KCTD3: variants seen among roughly 807,000 people sequenced by gnomAD.
KCTD3 encodes the protein potassium channel tetramerization domain containing 3, also known as BTB/POZ domain-containing protein KCTD3.
Under a neutral mutation model 85.8 loss-of-function variants are expected in KCTD3, and 41 were observed. The ratio of observed to expected loss-of-function variants is 0.48; its 90% CI spans 0.37 to 0.62. KCTD3 has a LOEUF of 0.62. Ranked by LOEUF, KCTD3 falls within the 20% of genes least tolerant of loss-of-function variation. KCTD3 has a pLI of 0.00. For missense variants in KCTD3, 724 were observed against 989.9 expected (o/e 0.73, Z 3.60); for synonymous variants, 338 against 345.4 (o/e 0.98, Z 0.24).
Position 215,618,970 on chromosome 1 carries a change from A to T in KCTD3, c.1647A>T (p.Ser549=). The change falls in exon 16 of 18, where the codon TCA becomes TCT. Residue 549 remains serine, a synonymous_variant. Transcript: ENST00000259154. ...GTGAGGGATCCAGTAGGATGGGCTC[A>T]AGACCAAGGCGCTACTTGTTCACAG... The part of the protein sequence containing the change: ...RECEGSSRMG[S]RPRRYLFTGH... 2 of 1,614,028 alleles carry T rather than the reference A, an allele frequency of 1.2e-6. No individual in the cohort carries two copies. Among genetic ancestry groups the T allele is most frequent in the Non-Finnish European group, 8.5e-7 (1 of 1,179,918 alleles).
chr1:215,616,980 G>C (rs917014300), intron 15 of KCTD3, among the ~76,000 whole-genome samples: 10 of 152,198 alleles, frequency 6.6e-5, no homozygotes, highest in African/African-American at 1.2e-4. Flanking sequence ...TTTGAGAAGG[G>C]GAGAGGAGCC....
intron 10 of KCTD3, among the ~76,000 whole-genome samples, chr1:215,598,706 A>T (rs1306635781): frequency 6.6e-6 from 1 of 151,868 alleles, no homozygotes; most frequent in Admixed American, 6.6e-5. Context: ...TTGAAAAAAA[A>T]TTTTTAATTT....
chr1:215,607,296 A>T lies in KCTD3; in HGVS notation c.1310-721A>T, dbSNP rs545536704. On this transcript the variant is annotated intron_variant, in intron 13 of 17. Coordinates refer to ENST00000259154, the MANE Select transcript of KCTD3 (RefSeq NM_016121.5). ...GCAAAATCAGTATATTTTTTATTAA[A>T]GCATGCCAAAAAAAGTAGTTTTTGC... 3.3e-5 allele frequency among the ~76,000 whole-genome samples: 5 copies of T among 152,048 alleles called. No individual in the cohort carries two copies. In the East Asian group the frequency reaches 9.7e-4, roughly 29 times the overall value.
At chr1:215,607,393 C>T (rs930406691) in intron 13 of KCTD3, among the ~76,000 whole-genome samples, 4 of 151,800 alleles carry the variant, frequency 2.6e-5, no homozygotes, top group African/African-American at 7.2e-5. Context: ...TACAGCTAGA[C>T]GAGGAGACAT....
chr1:215,604,286 G>A lies in KCTD3; in HGVS notation c.1293G>A (p.Glu431=), dbSNP rs1330149846. The A allele has an allele frequency of 6.2e-6, 10 of 1,613,370 alleles. No homozygotes were observed. Among genetic ancestry groups the A allele is most frequent in the Non-Finnish European group, 8.5e-6 (10 of 1,179,528 alleles). ...RSPVTKIMLS[E]KHLVSVCADN... ...CCGTAACAAAAATCATGCTATCAGAGAAGCATCTTGTATCAGGTAAAATGA... is the reference window on the plus strand; with the variant it reads ...CCGTAACAAAAATCATGCTATCAGAAAAGCATCTTGTATCAGGTAAAATGA... Residue 431 remains glutamate, a synonymous_variant, in exon 13 of 18, where the codon GAG becomes GAA. Transcript: ENST00000259154.
In KCTD3 at chr1:215,567,819, C is replaced by T. The variant is rs527455539; in HGVS notation, c.83+51C>T. On this transcript the variant is annotated intron_variant, in intron 1 of 17. Transcript: ENST00000259154. ...AGCGGGGATGCCTTGGCGGCCTCCT[C>T]CTTTGGTGTCGACGGGGACCGAGAG... 3.5e-5 allele frequency: 40 copies of T among 1,144,516 alleles called. No homozygotes were observed. In the African/African-American group the frequency reaches 6.2e-4, roughly 18 times the overall value. 70.9% of individuals were successfully genotyped at this position (1,144,516 alleles called of 1,614,324 possible).
At chr1:215,613,271 A>C (rs1041720941) in intron 15 of KCTD3, among the ~76,000 whole-genome samples, 7 of 152,156 alleles carry the variant, frequency 4.6e-5, no homozygotes, top group Non-Finnish European at 1.0e-4. Flanking sequence ...TTGCCAGGCT[A>C]GAGTGCTGTG....
chr1:215,567,552 C>T lies in KCTD3; in HGVS notation c.-134C>T. ...GCCGCCGGGAAGGTGGGGGAAGCCC[C>T]GTGCACCCCCCGCCCTCCGGCCGCC... On this transcript the variant is annotated 5_prime_UTR_variant, in exon 1 of 18. Transcript: ENST00000259154. 2.7e-6 allele frequency: 1 copy of T among 364,182 alleles called. No individual in the cohort carries two copies. Among genetic ancestry groups the T allele is most frequent in the Non-Finnish European group, 4.6e-6 (1 of 218,554 alleles). 22.6% of individuals were successfully genotyped at this position (364,182 alleles called of 1,614,324 possible). A position where few individuals can be genotyped will look rare whatever the true frequency, so the allele number is the denominator to read the frequency against.
intron 10 of KCTD3, among the ~76,000 whole-genome samples, chr1:215,596,765 A>C (rs771523504): frequency 1.1e-4 from 17 of 152,158 alleles, no homozygotes; most frequent in Non-Finnish European, 2.1e-4. Context: ...GAAAAAAAAG[A>C]TAATTGGTGC....
At chr1:215,578,216 G>T in intron 6 of KCTD3, 135 bp downstream of exon 6, 1 of 733,374 alleles carries the variant, frequency 1.4e-6, no homozygotes, top group South Asian at 2.4e-5. Flanking sequence ...AAGAACTTTT[G>T]ATTTTTATAG....
At chr1:215,608,739 C>T (rs1189099267) in intron 14 of KCTD3, among the ~76,000 whole-genome samples, 2 of 151,926 alleles carry the variant, frequency 1.3e-5, no homozygotes, top group Non-Finnish European at 2.9e-5. Flanking sequence ...CATATACAGT[C>T]TTCATAGAGA....
At position 215,601,586 on chromosome 1, in the gene KCTD3, A is replaced by C. The variant is rs577527783; in HGVS notation, c.934-281A>C. ...CAATCTAGTGATCACATGCAAAAAAAGAGGAGACAACCAATCGAAATTGAG... is the reference window on the plus strand; with the variant it reads ...CAATCTAGTGATCACATGCAAAAAACGAGGAGACAACCAATCGAAATTGAG... On this transcript the variant is annotated intron_variant, in intron 10 of 17. Coordinates refer to ENST00000259154, the MANE Select transcript of KCTD3 (RefSeq NM_016121.5). Among the ~76,000 whole-genome samples the C allele has an allele frequency of 1.2e-3, 182 of 152,306 alleles. 1 individual carries two copies. Among genetic ancestry groups the C allele is most frequent in the Middle Eastern group, 0.01 (3 of 294 alleles).
chr1:215,578,952 T>C, intron 6 of KCTD3, 48 bp from the exon 7 acceptor site: 1 of 1,364,238 alleles, frequency 7.3e-7, no homozygotes, highest in Non-Finnish European at 9.9e-7. Context: ...TTTTTAATTT[T>C]TGAAAGGTGA....
chr1:215,592,532 GTTGTGA>G (rs1660264258), intron 9 of KCTD3, among the ~76,000 whole-genome samples: 1 of 152,122 alleles, frequency 6.6e-6, no homozygotes, highest in Non-Finnish European at 1.5e-5. Context: ...AGGTAAATCA[GTTGTGA>G]TTTCTTTTTC....
At chr1:215,574,853 C>T (rs1571870953) in intron 3 of KCTD3, among the ~76,000 whole-genome samples, 1 of 152,138 alleles carries the variant, frequency 6.6e-6, no homozygotes, top group Admixed American at 6.6e-5. Flanking sequence ...GCTGCCATTT[C>T]CCTTTCTAAT....
At chr1:215,610,800 A>G (rs547206910) in intron 14 of KCTD3, among the ~76,000 whole-genome samples, 1 of 152,076 alleles carries the variant, frequency 6.6e-6, no homozygotes, top group East Asian at 1.9e-4. Flanking sequence ...GATGGTAAAT[A>G]ATAGTACCTC....
chr1:215,597,015 C>T (rs775875921), intron 10 of KCTD3, among the ~76,000 whole-genome samples: 2 of 152,100 alleles, frequency 1.3e-5, no homozygotes, highest in Non-Finnish European at 2.9e-5. Context: ...AGAATATTAT[C>T]AAATACTGCA....
chr1:215,574,046 T>G, intron 2 of KCTD3, 27 bp from the exon 3 acceptor site: 1 of 1,547,376 alleles, frequency 6.5e-7, no homozygotes, highest in Non-Finnish European at 8.9e-7. Flanking sequence ...TTTTAAAAAC[T>G]AACTTTAGAT....
intron 15 of KCTD3, among the ~76,000 whole-genome samples, chr1:215,614,589 G>T (rs952849871): frequency 5.9e-5 from 9 of 152,072 alleles, no homozygotes; most frequent in African/African-American, 2.2e-4. Context: ...TTTTGTGAAT[G>T]GGATTGCATT....
Sources: allele counts gnomAD v4.1 joint callset (sites outside exome capture counted in the v4.1 genomes callset), GRCh38; gene constraint gnomAD v4.1.1; transcripts MANE v1.5; gene names NCBI Gene and HGNC (gene_info 2026-07-23, HGNC 2026-07-21).